The following DNAJC6 variants were observed in gnomAD, a reference collection of about 807,000 sequenced individuals.
DNAJC6 encodes auxilin.
In DNAJC6, 34 loss-of-function variants were observed where a neutral mutation model predicts 110.0. The ratio of observed to expected loss-of-function variants is 0.31; its 90% CI spans 0.24 to 0.41. The LOEUF is 0.41. Among genes scored for constraint, DNAJC6 ranks in the 10% least tolerant of loss-of-function variants. The probability of loss-of-function intolerance (pLI) is 1.00; values close to 1 mark genes in which losing one functional copy is unlikely to be tolerated. For synonymous variants in DNAJC6, 406 were observed against 437.2 expected (o/e 0.93, Z 0.89); for missense variants, 1,031 against 1,207.8 (o/e 0.85, Z 2.17).
intron 1 of DNAJC6, among the ~76,000 whole-genome samples, chr1:65,268,309 C>T (rs2477789): frequency 0.66 from 100,106 of 152,046 alleles, 34,263 homozygotes; most frequent in South Asian, 0.87. Flanking sequence ...CATTGTGTAA[C>T]ATTGATCTAG....
intron 5 of DNAJC6, among the ~76,000 whole-genome samples, chr1:65,381,097 T>C (rs1045590853): frequency 2.0e-5 from 3 of 151,506 alleles, no homozygotes; most frequent in African/African-American, 7.3e-5. Context: ...TTTTGTATTT[T>C]TAGTAGAGAC....
At chr1:65,265,959 C>T (rs1397428791) in intron 1 of DNAJC6, among the ~76,000 whole-genome samples, 1 of 152,254 alleles carries the variant, frequency 6.6e-6, no homozygotes, top group Non-Finnish European at 1.5e-5. Flanking sequence ...CGAGCCGCTG[C>T]GCAGCAGTCT....
intron 1 of DNAJC6, among the ~76,000 whole-genome samples, chr1:65,342,133 A>T (rs1371204545): frequency 6.6e-6 from 1 of 152,118 alleles, no homozygotes; most frequent in East Asian, 1.9e-4. Context: ...TTTAACAAAT[A>T]TAATAGGAGG....
chr1:65,379,542 G>C lies in DNAJC6; in HGVS notation c.666+18G>C, dbSNP rs752113204. ...ACTGCTTGGTGAGTAACCTTTTGTT[G>C]TTGGTGGTGATGGTTTGGTTTGGTC... On this transcript the variant is annotated intron_variant, in intron 5 of 18. Transcript: ENST00000371069. The C allele has an allele frequency of 1.9e-6, 3 of 1,613,434 alleles. No homozygotes were observed. Among genetic ancestry groups the C allele is most frequent in the Non-Finnish European group, 2.5e-6 (3 of 1,179,718 alleles).
At chr1:65,300,483 C>T (rs1454303891) in intron 1 of DNAJC6, among the ~76,000 whole-genome samples, 1 of 152,130 alleles carries the variant, frequency 6.6e-6, no homozygotes, top group South Asian at 2.1e-4. Flanking sequence ...TTACAGAAAA[C>T]TTGCATGTGG....
rs201840876 is a variant in DNAJC6 at position 65,386,886 on chromosome 1, T to C, written c.1070T>C (p.Met357Thr). 540 of 1,614,178 alleles carry C rather than the reference T, an allele frequency of 3.3e-4. No homozygotes were observed. Among genetic ancestry groups the C allele is most frequent in the Non-Finnish European group, 4.4e-4 (516 of 1,180,022 alleles). ...GTGCAAGGAGACGTGGTTGTTTCCA[T>C]GTATCACTTGAGGTCAACCATTGGG... The part of the protein sequence containing the change: ...ITVQGDVVVS[M>T]YHLRSTIGSR... Residue 357 changes from methionine to threonine, a missense_variant, in exon 8 of 19, where the codon ATG (methionine) becomes ACG (threonine). Coordinates refer to ENST00000371069, the MANE Select transcript of DNAJC6 (RefSeq NM_001256864.2).
At chr1:65,310,650 A>G (rs1197200613) in intron 1 of DNAJC6, among the ~76,000 whole-genome samples, 1 of 152,214 alleles carries the variant, frequency 6.6e-6, no homozygotes, top group African/African-American at 2.4e-5. Context: ...TAAACTTTGT[A>G]TCGGGGCTTG....
At position 65,312,784 on chromosome 1, in the gene DNAJC6, T is replaced by G. The variant is rs532771618; in HGVS notation, c.193+2846T>G. Among the ~76,000 whole-genome samples, 19 of 152,306 alleles carry G rather than the reference T, an allele frequency of 1.2e-4. No individual in the cohort carries two copies. In the South Asian group the frequency reaches 3.9e-3, roughly 32 times the overall value. On this transcript the variant is annotated intron_variant, in intron 1 of 18. Transcript: ENST00000371069. ...GATCAAACCTCTGCATTATTGTTACTCGCTGAAAAACCTAGTAACCTTTTT... is the reference window on the plus strand; with the variant it reads ...GATCAAACCTCTGCATTATTGTTACGCGCTGAAAAACCTAGTAACCTTTTT...
chr1:65,397,403 A>G (rs1239218371), intron 13 of DNAJC6, among the ~76,000 whole-genome samples: 2 of 152,238 alleles, frequency 1.3e-5, no homozygotes, highest in Non-Finnish European at 2.9e-5. Context: ...ATCACTTGGG[A>G]CATGATGTTG....
chr1:65,388,338 G>A lies in DNAJC6; in HGVS notation c.1116G>A (p.Val372=). ...STIGSRLQAK[V]TNTQIFQLQF... is the part of the protein sequence containing the mutation. ...GTGCTTCTCTCATGTATTTTTAGGT[G>A]ACCAACACACAGATATTCCAGCTTC... The change falls in exon 9 of 19, where the codon GTG becomes GTA. Residue 372 remains valine, a splice_region_variant and synonymous_variant. Coordinates refer to ENST00000371069, the MANE Select transcript of DNAJC6 (RefSeq NM_001256864.2). 1 of 1,613,656 alleles carries A rather than the reference G, an allele frequency of 6.2e-7. No homozygotes were observed. The highest frequency in any genetic ancestry group is 8.5e-7 in the Non-Finnish European group (1 of 1,179,712).
At chr1:65,282,304 C>T (rs1045932737) in intron 1 of DNAJC6, among the ~76,000 whole-genome samples, 1 of 152,118 alleles carries the variant, frequency 6.6e-6, no homozygotes, top group Non-Finnish European at 1.5e-5. Context: ...TTAGAATTCC[C>T]GTAGCAGTAG....
intron 5 of DNAJC6, among the ~76,000 whole-genome samples, chr1:65,380,881 G>A (rs7546527): frequency 0.02 from 2,982 of 145,958 alleles, 61 homozygotes; most frequent in South Asian, 0.1. Context: ...ATTGAAGCTG[G>A]GGGAGGGAGT....
chr1:65,392,663 C>T lies in DNAJC6; in HGVS notation c.1701C>T (p.Ser567=). ...TGGAAGGGTCTGCAATGAGTAACAG[C>T]TTCTCTCCGCCAGCGGCTCCTCCCA... ...LGLEGSAMSN[S]FSPPAAPPTN... The change falls in exon 12 of 19, where the codon AGC becomes AGT. Residue 567 remains serine (S), a synonymous_variant. Transcript: ENST00000371069. 1 of 1,612,994 alleles carries T rather than the reference C, an allele frequency of 6.2e-7. No individual in the cohort carries two copies. The highest frequency in any genetic ancestry group is 8.5e-7 in the Non-Finnish European group (1 of 1,179,448).
rs576617166 is a variant in DNAJC6, at chr1:65,336,382, G to C, written c.193+26444G>C. ...ACACATGGGGATTATCGGAACCACAGTTCAAGATGAGATTTGGGTGGGGAC... is the reference window on the plus strand; with the variant it reads ...ACACATGGGGATTATCGGAACCACACTTCAAGATGAGATTTGGGTGGGGAC... On this transcript the variant is annotated intron_variant, in intron 1 of 18. Transcript: ENST00000371069. 7.9e-5 allele frequency among the ~76,000 whole-genome samples: 12 copies of C among 152,224 alleles called. No individual in the cohort carries two copies. The South Asian group carries it at 2.5e-3, about 32-fold the overall frequency.
At chr1:65,379,330 G>A in intron 4 of DNAJC6, 72 bp from the exon 5 acceptor site, 2 of 1,580,146 alleles carry the variant, frequency 1.3e-6, no homozygotes, top group South Asian at 1.2e-5. Context: ...GAAGATGTTG[G>A]TTGGTGTGAT....
chr1:65,264,998 AT>A (rs1304433535), intron 1 of DNAJC6: 1 of 1,454,008 alleles, frequency 6.9e-7, no homozygotes, highest in African/African-American at 1.4e-5. Context: ...TAGGGATGCG[AT>A]GTCACTCCAC....
At chr1:65,289,679 A>G (rs1224943827) in intron 1 of DNAJC6, among the ~76,000 whole-genome samples, 1 of 152,196 alleles carries the variant, frequency 6.6e-6, no homozygotes, top group Non-Finnish European at 1.5e-5. Context: ...CCAGAACCAT[A>G]AGATACAAAT....
intron 1 of DNAJC6, among the ~76,000 whole-genome samples, chr1:65,338,711 C>G (rs1340372714): frequency 6.6e-6 from 1 of 152,126 alleles, no homozygotes; most frequent in Non-Finnish European, 1.5e-5. Flanking sequence ...TGTATCTATC[C>G]ACTCTCTCTT....
upstream of DNAJC6, among the ~76,000 whole-genome samples, chr1:65,304,714 C>T (rs563422582): frequency 6.6e-6 from 1 of 152,190 alleles, no homozygotes. Flanking sequence ...TGGCATCTCT[C>T]TTGGGGGTAT....
Sources: gnomAD v4.1 joint callset for allele counts (sites outside exome capture counted in the v4.1 genomes callset) on GRCh38, gnomAD v4.1.1 for gene constraint, MANE v1.5 for transcripts, NCBI Gene and HGNC (gene_info 2026-07-23, HGNC 2026-07-21) for gene names.